The following AGBL4 variants were observed in gnomAD, a reference collection of about 807,000 sequenced individuals.
The protein encoded by AGBL4 is cytosolic carboxypeptidase 6.
AGBL4 carries 58 observed loss-of-function variants against 66.4 expected under a neutral mutation model. The ratio of observed to expected loss-of-function variants is 0.87; its 90% CI spans 0.71 to 1.09. The LOEUF is 1.09. Ranked by LOEUF, AGBL4 falls within the 50% of genes least tolerant of loss-of-function variation. AGBL4 has a pLI of 0.00. For missense variants in AGBL4, 579 were observed against 631.0 expected, an observed-to-expected ratio of 0.92 and a Z score of 0.88; for synonymous variants, 234 against 222.9, an observed-to-expected ratio of 1.05 and a Z score of -0.44.
chr1:48,730,985 T>C (rs192069854), intron 6 of AGBL4, among the ~76,000 whole-genome samples: 1 of 152,320 alleles, frequency 6.6e-6, no homozygotes, highest in East Asian at 1.9e-4. Flanking sequence ...GCGTCAATGT[T>C]TGCCCCATCC....
chr1:49,667,317 C>T (rs1043753232), intron 3 of AGBL4, among the ~76,000 whole-genome samples: 3 of 151,798 alleles, frequency 2.0e-5, no homozygotes, highest in African/African-American at 7.3e-5. Flanking sequence ...AATTAGCCAG[C>T]CATGGTGGCA....
intron 3 of AGBL4, among the ~76,000 whole-genome samples, chr1:49,615,467 T>C (rs1465255113): frequency 6.6e-6 from 1 of 152,128 alleles, no homozygotes; most frequent in East Asian, 1.9e-4. Context: ...TATTGGATGG[T>C]AAGGTATCTG....
At chr1:48,755,529 C>T (rs1033104906) in intron 6 of AGBL4, among the ~76,000 whole-genome samples, 2 of 152,196 alleles carry the variant, frequency 1.3e-5, no homozygotes, top group African/African-American at 2.4e-5. Context: ...GGGCAGAGAA[C>T]GGCAAAGCCT....
intron 3 of AGBL4, among the ~76,000 whole-genome samples, chr1:49,647,783 T>C (rs1003571437): frequency 6.6e-6 from 1 of 151,702 alleles, no homozygotes; most frequent in African/African-American, 2.4e-5. Flanking sequence ...ACTCTAGACC[T>C]TCTTCCTGAC....
intron 3 of AGBL4, among the ~76,000 whole-genome samples, chr1:49,481,741 G>A (rs1268648803): frequency 2.0e-5 from 3 of 151,884 alleles, no homozygotes; most frequent in East Asian, 3.9e-4. Flanking sequence ...TGCCCATTCA[G>A]TATGGTGTTG....
At chr1:48,875,736 C>T (rs1376931100) in intron 5 of AGBL4, among the ~76,000 whole-genome samples, 2 of 152,168 alleles carry the variant, frequency 1.3e-5, no homozygotes, top group Non-Finnish European at 2.9e-5. Flanking sequence ...TTAATAGCTG[C>T]TGTGGCTGAA....
intron 1 of AGBL4, among the ~76,000 whole-genome samples, chr1:49,890,976 A>G (rs906342145): frequency 6.6e-6 from 1 of 152,208 alleles, no homozygotes; most frequent in Admixed American, 6.5e-5. Context: ...AAAATGTGCT[A>G]TGAAGAAAAA....
intron 4 of AGBL4, among the ~76,000 whole-genome samples, chr1:49,239,500 CATTATT>C (rs1651044204): frequency 6.6e-6 from 1 of 151,868 alleles, no homozygotes; most frequent in East Asian, 1.9e-4. Flanking sequence ...AAGTAGAAAT[CATTATT>C]ATTCAAACAT....
At chr1:48,551,339 C>T (rs1644245414) in intron 11 of AGBL4, among the ~76,000 whole-genome samples, 1 of 152,216 alleles carries the variant, frequency 6.6e-6, no homozygotes, top group South Asian at 2.1e-4. Context: ...CTCTAAAATA[C>T]ATAATGCTTC....
intron 8 of AGBL4, among the ~76,000 whole-genome samples, chr1:48,639,611 A>C (rs949898191): frequency 6.6e-6 from 1 of 152,220 alleles, no homozygotes; most frequent in Non-Finnish European, 1.5e-5. Context: ...ATTCGAGGAA[A>C]AGTGTTGATA....
At chr1:49,353,623 C>T (rs576497854) in intron 3 of AGBL4, among the ~76,000 whole-genome samples, 31 of 152,160 alleles carry the variant, frequency 2.0e-4, no homozygotes, top group African/African-American at 7.5e-4. Flanking sequence ...CCTGGAAACC[C>T]ATGGACCTAA....
chr1:50,018,984 A>C (rs918143218), intron 1 of AGBL4, among the ~76,000 whole-genome samples: 4 of 152,116 alleles, frequency 2.6e-5, no homozygotes, highest in Non-Finnish European at 1.5e-5. Flanking sequence ...AATTAATTTG[A>C]TAGCAAAATC....
intron 2 of AGBL4, chr1:49,845,325 C>T: frequency 6.6e-7 from 1 of 1,505,120 alleles, no homozygotes; most frequent in Non-Finnish European, 9.2e-7. Context: ...GCGAGAAACC[C>T]TATGAGTGCA....
At chr1:49,750,272 T>C (rs963512205) in intron 2 of AGBL4, among the ~76,000 whole-genome samples, 6 of 152,162 alleles carry the variant, frequency 3.9e-5, no homozygotes, top group African/African-American at 1.4e-4. Flanking sequence ...AATTTTTGTA[T>C]AAGGTGTAGG....
chr1:49,207,112 A>G (rs528015779), intron 4 of AGBL4, among the ~76,000 whole-genome samples: 23 of 152,150 alleles, frequency 1.5e-4, no homozygotes, highest in African/African-American at 4.8e-4. Context: ...TAGCTTTTTT[A>G]AAAAAAGACT....
At chr1:49,565,603 C>A (rs1423037735) in intron 3 of AGBL4, among the ~76,000 whole-genome samples, 2 of 152,156 alleles carry the variant, frequency 1.3e-5, no homozygotes, top group East Asian at 1.9e-4. Flanking sequence ...GTTGAAAATT[C>A]TTTTCTTTAA....
At chr1:50,023,612 C>T in intron 1 of AGBL4, 151 bp downstream of exon 1, 1 of 972,696 alleles carries the variant, frequency 1.0e-6, no homozygotes, top group Non-Finnish European at 1.4e-6. Context: ...GTGCACGCCA[C>T]CCTTGACCCC....
intron 10 of AGBL4, among the ~76,000 whole-genome samples, chr1:48,590,171 G>T (rs574925723): frequency 6.6e-6 from 1 of 152,130 alleles, no homozygotes. Context: ...TTGGGAGGCC[G>T]AGGCGGGCGG....
chr1:49,131,474 AG>A (rs1408291059), intron 4 of AGBL4, among the ~76,000 whole-genome samples: 1 of 152,126 alleles, frequency 6.6e-6, no homozygotes, highest in Non-Finnish European at 1.5e-5. Flanking sequence ...TCAAAGGAGA[AG>A]TAACAGTGTG....
Sources: allele counts gnomAD v4.1 joint callset (sites outside exome capture counted in the v4.1 genomes callset), GRCh38; gene constraint gnomAD v4.1.1; transcripts MANE v1.5; gene names NCBI Gene and HGNC (gene_info 2026-07-23, HGNC 2026-07-21).